Variants in GALNT10 observed in about 807,000 individuals in gnomAD.
GALNT10 encodes polypeptide N-acetylgalactosaminyltransferase 10, also known as GalNAc transferase 10.
A neutral mutation model predicts 75.0 loss-of-function variants in GALNT10; 41 were observed. The observed-to-expected ratio is 0.55, with a 90% CI of 0.43 to 0.71. The LOEUF (loss-of-function observed/expected upper bound fraction) is 0.71. Among genes scored for constraint, GALNT10 ranks in the 30% least tolerant of loss-of-function variants. GALNT10 has a pLI of 0.00. For missense variants in GALNT10, 727 were observed against 818.5 expected, an observed-to-expected ratio of 0.89 and a Z score of 1.36; for synonymous variants, 302 against 313.0, an observed-to-expected ratio of 0.96 and a Z score of 0.37.
intron 1 of GALNT10, among the ~76,000 whole-genome samples, chr5:154,226,935 C>T (rs570659234): frequency 1.2e-4 from 18 of 151,104 alleles, no homozygotes; most frequent in African/African-American, 2.0e-4. Flanking sequence ...TGGAATCATA[C>T]GGTATGTACT....
At chr5:154,279,533 C>A (rs1279314085) in intron 1 of GALNT10, among the ~76,000 whole-genome samples, 1 of 151,820 alleles carries the variant, frequency 6.6e-6, no homozygotes, top group African/African-American at 2.4e-5. Context: ...GAACTCCTGA[C>A]CTCAGGTGAT....
intron 1 of GALNT10, chr5:154,287,358 C>T (rs778300686): frequency 6.6e-6 from 1 of 152,212 alleles, no homozygotes; most frequent in Non-Finnish European, 1.5e-5. Flanking sequence ...ATATGCCCTT[C>T]ACTTTCTAAC....
At chr5:154,344,508 C>T (rs1755090229) in intron 4 of GALNT10, among the ~76,000 whole-genome samples, 1 of 152,116 alleles carries the variant, frequency 6.6e-6, no homozygotes, top group Non-Finnish European at 1.5e-5. Context: ...CTGCGCCTGG[C>T]CAATACATTT....
chr5:154,394,417 C>T (rs1755974422), intron 7 of GALNT10, among the ~76,000 whole-genome samples: 1 of 150,600 alleles, frequency 6.6e-6, no homozygotes, highest in African/African-American at 2.5e-5. Flanking sequence ...GAAGGCAGGA[C>T]ACACCCAGAA....
intron 7 of GALNT10, among the ~76,000 whole-genome samples, chr5:154,391,252 T>G (rs1477126370): frequency 6.6e-6 from 1 of 152,240 alleles, no homozygotes; most frequent in African/African-American, 2.4e-5. Flanking sequence ...GATTCATCTC[T>G]GCTAAGATCC....
At chr5:154,217,126 C>G (rs1341588512) in intron 1 of GALNT10, among the ~76,000 whole-genome samples, 2 of 152,138 alleles carry the variant, frequency 1.3e-5, no homozygotes. Flanking sequence ...TTAGATCATC[C>G]CTCAACCTCT....
chr5:154,280,216 A>G (rs540790629), intron 1 of GALNT10, among the ~76,000 whole-genome samples: 1 of 152,316 alleles, frequency 6.6e-6, no homozygotes, highest in South Asian at 2.1e-4. Context: ...AGTTGACCTC[A>G]TAGAAGTAGA....
chr5:154,337,821 C>T, intron 4 of GALNT10: 2 of 998,672 alleles, frequency 2.0e-6, no homozygotes, highest in Non-Finnish European at 3.2e-6. Flanking sequence ...ACAACCACCA[C>T]CAAAGTTTCC....
At chr5:154,360,889 C>T (rs1755375702) in intron 4 of GALNT10, among the ~76,000 whole-genome samples, 1 of 152,220 alleles carries the variant, frequency 6.6e-6, no homozygotes, top group Non-Finnish European at 1.5e-5. Flanking sequence ...CCCCTCCCAG[C>T]TGGAGATTTG....
intron 1 of GALNT10, among the ~76,000 whole-genome samples, chr5:154,293,613 A>ATTTTTTTT (rs1201863629): frequency 1.8e-5 from 2 of 109,354 alleles, no homozygotes; most frequent in African/African-American, 8.5e-5. Flanking sequence ...ATATATATAT[A>ATTTTTTTT]TTTTTTTTTT....
chr5:154,377,472 T>C (rs892946914), intron 5 of GALNT10, among the ~76,000 whole-genome samples: 1 of 152,148 alleles, frequency 6.6e-6, no homozygotes, highest in Non-Finnish European at 1.5e-5. Flanking sequence ...TGAAAGACTG[T>C]GAAAACACAG....
At chr5:154,194,600 C>T (rs1223279573) in intron 1 of GALNT10, among the ~76,000 whole-genome samples, 1 of 152,192 alleles carries the variant, frequency 6.6e-6, no homozygotes, top group Non-Finnish European at 1.5e-5. Flanking sequence ...AGTCCTTTCT[C>T]CTGCCCTAAA....
At chr5:154,253,459 G>A (rs1233581402) in intron 1 of GALNT10, among the ~76,000 whole-genome samples, 1 of 151,510 alleles carries the variant, frequency 6.6e-6, no homozygotes, top group African/African-American at 2.4e-5. Flanking sequence ...GAGTTAATGG[G>A]TGCAGCACAC....
intron 1 of GALNT10, among the ~76,000 whole-genome samples, chr5:154,222,761 G>A (rs1753003830): frequency 6.6e-6 from 1 of 152,192 alleles, no homozygotes; most frequent in Non-Finnish European, 1.5e-5. Flanking sequence ...CTTTTGTGAA[G>A]TATCTGTTAA....
chr5:154,387,765 T>C (rs555782900), intron 7 of GALNT10: 15 of 151,148 alleles, frequency 9.9e-5, no homozygotes, highest in African/African-American at 3.6e-4. Context: ...TTAATATTAT[T>C]ATCTGCAACA....
At chr5:154,319,126 G>T (rs1754639237) in intron 3 of GALNT10, among the ~76,000 whole-genome samples, 1 of 152,226 alleles carries the variant, frequency 6.6e-6, no homozygotes, top group South Asian at 2.1e-4. Flanking sequence ...CCTGACCCCA[G>T]AGAGACTCTT....
chr5:154,380,169 A>G (rs1755712302), intron 5 of GALNT10, among the ~76,000 whole-genome samples: 1 of 152,172 alleles, frequency 6.6e-6, no homozygotes, highest in Non-Finnish European at 1.5e-5. Flanking sequence ...CTCATAACCT[A>G]TGAGGCAGAG....
At chr5:154,356,066 G>A in intron 4 of GALNT10, 1 of 453,044 alleles carries the variant, frequency 2.2e-6, no homozygotes, top group South Asian at 1.6e-5. Context: ...ATTTAGAATG[G>A]GAATGAATTC....
intron 3 of GALNT10, among the ~76,000 whole-genome samples, chr5:154,312,354 CT>C (rs1754534726): frequency 6.6e-6 from 1 of 152,188 alleles, no homozygotes. Flanking sequence ...TCCCTCTCCC[CT>C]CTCTATCCCC....
Sources: allele counts gnomAD v4.1 joint callset (sites outside exome capture counted in the v4.1 genomes callset), GRCh38; gene constraint gnomAD v4.1.1; transcripts MANE v1.5; gene names NCBI Gene and HGNC (gene_info 2026-07-23, HGNC 2026-07-21).